DNM3: variants seen among roughly 807,000 people sequenced by gnomAD.
DNM3 encodes dynamin-3.
Under a neutral mutation model 101.6 loss-of-function variants are expected in DNM3, and 47 were observed. The ratio of observed to expected loss-of-function variants is 0.46; its 90% confidence interval spans 0.37 to 0.59. DNM3 has a LOEUF of 0.59. DNM3 is among the 20% of genes least tolerant of loss of function. The pLI is 0.00. For synonymous variants in DNM3, 385 were observed against 387.9 expected, an observed-to-expected ratio of 0.99 and a Z score of 0.09; for missense variants, 849 against 1,085.7, an observed-to-expected ratio of 0.78 and a Z score of 3.06.
At position 172,304,206 on chromosome 1, in the gene DNM3, C is replaced by CAAAAAAAAAAAAA. The variant is rs575733774; in HGVS notation, c.1770-4518_1770-4506dup. ...GAATATCTACCATGCAAAAGGAAAG[C>CAAAAAAAAAAAAA]AAAAAAAAAAAAAAAACAGGAGTTG... On this transcript the variant is annotated intron_variant, in intron 15 of 20. Transcript: ENST00000627582. Among the ~76,000 whole-genome samples the CAAAAAAAAAAAAA allele has an allele frequency of 1.8e-3, 66 of 36,368 alleles. 3 individuals are homozygous for CAAAAAAAAAAAAA. The highest frequency in any genetic ancestry group is 0.01 in the African/African-American group (49 of 4,826). 23.9% of individuals were successfully genotyped at this position (36,368 alleles called of 152,430 possible). A position where few individuals can be genotyped will look rare whatever the true frequency, so the allele number is the denominator to read the frequency against.
At chr1:172,341,698 G>A (rs886239324) in intron 17 of DNM3, among the ~76,000 whole-genome samples, 21 of 151,884 alleles carry the variant, frequency 1.4e-4, no homozygotes, top group Non-Finnish European at 1.8e-4. Flanking sequence ...ATTGAAATTG[G>A]GCCCCTTCTT....
chr1:172,261,170 G>A (rs1415832187), intron 15 of DNM3, among the ~76,000 whole-genome samples: 1 of 152,140 alleles, frequency 6.6e-6, no homozygotes, highest in East Asian at 1.9e-4. Context: ...CTTTCAAGGT[G>A]TCAAATATTC....
chr1:172,177,421 A>G (rs2059193030), intron 14 of DNM3, among the ~76,000 whole-genome samples: 2 of 151,870 alleles, frequency 1.3e-5, no homozygotes, highest in Non-Finnish European at 2.9e-5. Context: ...AAGACATGGT[A>G]TATTTAGGGT....
At chr1:172,036,783 A>C (rs1388025876) in intron 6 of DNM3, among the ~76,000 whole-genome samples, 1 of 152,064 alleles carries the variant, frequency 6.6e-6, no homozygotes, top group African/African-American at 2.4e-5. Flanking sequence ...ACAAAAGCCA[A>C]AATTGACAAA....
chr1:172,314,352 G>A (rs2065219261), intron 16 of DNM3, among the ~76,000 whole-genome samples: 1 of 152,186 alleles, frequency 6.6e-6, no homozygotes, highest in South Asian at 2.1e-4. Flanking sequence ...GAGGTAGCAG[G>A]TTCATCTCAC....
intron 14 of DNM3, among the ~76,000 whole-genome samples, chr1:172,239,800 CTTTTTTT>C (rs71107343): frequency 5.2e-4 from 56 of 108,378 alleles, no homozygotes; most frequent in African/African-American, 2.1e-3. Context: ...TTTTTTTTCT[CTTTTTTT>C]TTTTTTTTTT....
chr1:171,922,097 A>G (rs754699835), intron 2 of DNM3, among the ~76,000 whole-genome samples: 19 of 151,580 alleles, frequency 1.3e-4, no homozygotes, highest in Non-Finnish European at 2.4e-4. Context: ...AGTACAGCAC[A>G]ACCACTAATA....
chr1:172,124,870 C>T (rs2056533876), intron 13 of DNM3, among the ~76,000 whole-genome samples: 1 of 152,178 alleles, frequency 6.6e-6, no homozygotes, highest in South Asian at 2.1e-4. Context: ...GCCTGCCAGG[C>T]CTGTAAATGG....
At chr1:171,868,441 C>A (rs2034966969) in intron 1 of DNM3, among the ~76,000 whole-genome samples, 1 of 152,174 alleles carries the variant, frequency 6.6e-6, no homozygotes, top group Non-Finnish European at 1.5e-5. Context: ...TTCCTGTTTT[C>A]AACCTTGACA....
intron 1 of DNM3, among the ~76,000 whole-genome samples, chr1:171,871,664 C>G (rs1182946862): frequency 6.6e-6 from 1 of 152,066 alleles, no homozygotes; most frequent in South Asian, 2.1e-4. Context: ...AAGTTACATA[C>G]CCTAATTTGC....
chr1:171,893,335 T>C (rs1206516318), intron 1 of DNM3, among the ~76,000 whole-genome samples: 1 of 152,136 alleles, frequency 6.6e-6, no homozygotes, highest in Non-Finnish European at 1.5e-5. Context: ...TTGAGCTATT[T>C]AATTTTATAT....
At chr1:172,042,242 C>G in intron 8 of DNM3, 98 bp downstream of exon 8, 3 of 1,177,264 alleles carry the variant, frequency 2.5e-6, no homozygotes, top group Non-Finnish European at 3.4e-6. Flanking sequence ...ATAGAACTAA[C>G]ATAGTTCTTT....
chr1:172,279,926 T>G (rs916760702), intron 15 of DNM3, among the ~76,000 whole-genome samples: 2 of 152,132 alleles, frequency 1.3e-5, no homozygotes, highest in African/African-American at 2.4e-5. Flanking sequence ...ATCAGACCCC[T>G]CTGCTTAAAG....
At chr1:172,072,174 A>G (rs1414172916) in intron 11 of DNM3, among the ~76,000 whole-genome samples, 3 of 152,226 alleles carry the variant, frequency 2.0e-5, no homozygotes, top group African/African-American at 7.2e-5. Flanking sequence ...ACTTTTGGCC[A>G]AATGGATTTG....
At chr1:172,269,222 C>T (rs2148740920) in intron 15 of DNM3, among the ~76,000 whole-genome samples, 1 of 152,268 alleles carries the variant, frequency 6.6e-6, no homozygotes, top group East Asian at 1.9e-4. Flanking sequence ...AGTTCAAGAA[C>T]AAAAAGAAAT....
At chr1:171,891,521 G>A (rs9425820) in intron 1 of DNM3, among the ~76,000 whole-genome samples, 64,775 of 151,812 alleles carry the variant, frequency 0.43, 13,941 homozygotes, top group African/African-American at 0.44. Flanking sequence ...TTTTTAGCCT[G>A]CTTGCCTTTT....
downstream of DNM3, among the ~76,000 whole-genome samples, chr1:172,413,479 G>A (rs141803901): frequency 4.2e-3 from 634 of 152,194 alleles, 4 homozygotes; most frequent in African/African-American, 0.013. Context: ...TGCCCGCCTC[G>A]GCTTCCCAAA....
At chr1:172,274,431 C>G (rs945586998) in intron 15 of DNM3, among the ~76,000 whole-genome samples, 1 of 152,064 alleles carries the variant, frequency 6.6e-6, no homozygotes, top group Non-Finnish European at 1.5e-5. Flanking sequence ...ATCCCTTGCT[C>G]TTTAATTCTG....
intron 2 of DNM3, among the ~76,000 whole-genome samples, chr1:171,967,891 C>G (rs1471003592): frequency 6.6e-6 from 1 of 152,130 alleles, no homozygotes; most frequent in East Asian, 1.9e-4. Context: ...AGATTTGAAG[C>G]CTCAATCATC....
Sources: gnomAD v4.1 joint callset for allele counts (sites outside exome capture counted in the v4.1 genomes callset) on GRCh38, gnomAD v4.1.1 for gene constraint, MANE v1.5 for transcripts, NCBI Gene and HGNC (gene_info 2026-07-23, HGNC 2026-07-21) for gene names.